Variants in TMEM132C observed in about 807,000 individuals in gnomAD.
TMEM132C encodes transmembrane protein 132C.
Under a neutral mutation model 61.4 loss-of-function variants are expected in TMEM132C, and 29 were observed. That is an observed-to-expected ratio of 0.47 (90% CI 0.35 to 0.64). The LOEUF is 0.64. Ranked by LOEUF, TMEM132C falls within the 30% of genes least tolerant of loss-of-function variation. TMEM132C has a pLI of 0.00. For synonymous variants in TMEM132C, 656 were observed against 633.1 expected, an observed-to-expected ratio of 1.04 and a Z score of -0.54; for missense variants, 1,408 against 1,476.9, an observed-to-expected ratio of 0.95 and a Z score of 0.76.
At chr12:128,434,018 G>A (rs1035758693) in intron 2 of TMEM132C, among the ~76,000 whole-genome samples, 1 of 152,240 alleles carries the variant, frequency 6.6e-6, no homozygotes, top group Non-Finnish European at 1.5e-5. Context: ...TTCCTGGATA[G>A]CAACACGGGC....
chr12:128,426,526 CCA>C (rs1232095079), intron 2 of TMEM132C, among the ~76,000 whole-genome samples: 3 of 152,176 alleles, frequency 2.0e-5, no homozygotes, highest in Non-Finnish European at 4.4e-5. Flanking sequence ...ACTCATTTTC[CCA>C]CAGTCTGTCT....
intron 1 of TMEM132C, among the ~76,000 whole-genome samples, chr12:128,315,114 G>A (rs1315867945): frequency 6.6e-6 from 1 of 152,152 alleles, no homozygotes; most frequent in Admixed American, 6.5e-5. Context: ...CAATGAGGAG[G>A]CATCTGATCA....
intron 5 of TMEM132C, among the ~76,000 whole-genome samples, chr12:128,685,662 A>G (rs1954667533): frequency 1.3e-5 from 2 of 152,232 alleles, no homozygotes; most frequent in Admixed American, 6.5e-5. Flanking sequence ...GGGGAGAGGA[A>G]GTAGACCCTG....
chr12:128,528,160 A>T (rs1171462656), intron 2 of TMEM132C, among the ~76,000 whole-genome samples: 1 of 152,176 alleles, frequency 6.6e-6, no homozygotes, highest in East Asian at 1.9e-4. Flanking sequence ...AGAACCTGGT[A>T]AGTTAGGGCA....
At chr12:128,589,432 G>A (rs902143537) in intron 3 of TMEM132C, among the ~76,000 whole-genome samples, 4 of 151,432 alleles carry the variant, frequency 2.6e-5, no homozygotes, top group African/African-American at 9.7e-5. Context: ...CACACTGCCC[G>A]TCCGCCCACT....
At position 128,560,760 on chromosome 12, in the gene TMEM132C, A is replaced by G. The variant is rs181630367; in HGVS notation, c.1121+16657A>G. On this transcript the variant is annotated intron_variant, in intron 3 of 8. Coordinates refer to ENST00000435159, the MANE Select transcript of TMEM132C (RefSeq NM_001136103.3). ...AGGGATGGAAATATTTGCTGCATGA[A>G]TACATGTATTGCTGAGTGAAAGATC... Among the ~76,000 whole-genome samples the G allele has an allele frequency of 1.5e-3, 222 of 152,348 alleles. 2 individuals carry two copies. The highest frequency in any genetic ancestry group is 6.8e-3 in the Middle Eastern group (2 of 294).
intron 1 of TMEM132C, among the ~76,000 whole-genome samples, chr12:128,386,938 G>A (rs900641763): frequency 4.6e-5 from 7 of 151,948 alleles, no homozygotes; most frequent in South Asian, 4.2e-4. Context: ...AGACCAACCC[G>A]GGCAACGTAG....
intron 3 of TMEM132C, among the ~76,000 whole-genome samples, chr12:128,572,052 GC>G (rs1874904843): frequency 6.6e-6 from 1 of 151,984 alleles, no homozygotes; most frequent in East Asian, 1.9e-4. Context: ...TCCTACTGTG[GC>G]CTCTGCTAGT....
intron 1 of TMEM132C, among the ~76,000 whole-genome samples, chr12:128,286,866 G>A (rs533099183): frequency 6.6e-6 from 1 of 152,300 alleles, no homozygotes; most frequent in East Asian, 1.9e-4. Context: ...TGAGATTATT[G>A]TCCATTGAAC....
intron 3 of TMEM132C, among the ~76,000 whole-genome samples, chr12:128,589,209 G>A (rs972463313): frequency 6.6e-6 from 1 of 152,156 alleles, no homozygotes; most frequent in Non-Finnish European, 1.5e-5. Context: ...ACGAAGGCAA[G>A]GCGCACAAGG....
At chr12:128,395,924 C>A (rs573401604) in intron 1 of TMEM132C, among the ~76,000 whole-genome samples, 1 of 152,302 alleles carries the variant, frequency 6.6e-6, no homozygotes, top group Admixed American at 6.5e-5. Context: ...AGTAAACAGA[C>A]TTACCTAATA....
intron 3 of TMEM132C, among the ~76,000 whole-genome samples, chr12:128,608,002 A>T (rs1238697757): frequency 6.6e-6 from 1 of 152,158 alleles, no homozygotes; most frequent in Non-Finnish European, 1.5e-5. Flanking sequence ...GAAGGAAGGG[A>T]TGCAAATGTC....
intron 5 of TMEM132C, among the ~76,000 whole-genome samples, chr12:128,684,312 G>A (rs575480473): frequency 1.6e-3 from 219 of 139,518 alleles, no homozygotes; most frequent in Admixed American, 2.3e-3. Context: ...TCATAGATGA[G>A]GAAAATGAAT....
rs1024435374 is a variant in TMEM132C, at chr12:128,280,314, C to T, written c.85+12827C>T. Among the ~76,000 whole-genome samples, 7 of 152,112 alleles carry T rather than the reference C, an allele frequency of 4.6e-5. No individual in the cohort carries two copies. In the East Asian group the frequency reaches 5.8e-4, roughly 13 times the overall value. On this transcript the variant is annotated intron_variant, in intron 1 of 8. Coordinates refer to ENST00000435159, the MANE Select transcript of TMEM132C (RefSeq NM_001136103.3). ...CTGGCCAGGGGCAACATTTTCAAGT[C>T]GCCGACTTTATTTCTGAGTTGTCCT...
chr12:128,678,398 G>T (rs78687087), intron 5 of TMEM132C, among the ~76,000 whole-genome samples: 2 of 152,094 alleles, frequency 1.3e-5, no homozygotes, highest in African/African-American at 4.8e-5. Flanking sequence ...TCTAGTGCCC[G>T]CATTCCATCT....
intron 4 of TMEM132C, among the ~76,000 whole-genome samples, chr12:128,665,515 A>G (rs1026448388): frequency 6.6e-6 from 1 of 151,352 alleles, no homozygotes; most frequent in Non-Finnish European, 1.5e-5. Context: ...ATATGCACAC[A>G]GGCACTCACA....
intron 2 of TMEM132C, among the ~76,000 whole-genome samples, chr12:128,541,979 C>A (rs1434023008): frequency 2.6e-5 from 4 of 152,218 alleles, no homozygotes; most frequent in Non-Finnish European, 5.9e-5. Flanking sequence ...CGCCCTGATA[C>A]CCATACCCAA....
chr12:128,443,092 A>G (rs1593055000), intron 2 of TMEM132C, among the ~76,000 whole-genome samples: 1 of 152,226 alleles, frequency 6.6e-6, no homozygotes, highest in African/African-American at 2.4e-5. Flanking sequence ...CTCATTAAAA[A>G]AATGGATATA....
rs151209408 is a variant in TMEM132C, at chr12:128,352,657, C to T, written c.86-62075C>T. Among the ~76,000 whole-genome samples the T allele has an allele frequency of 3.1e-3, 470 of 152,284 alleles. 3 individuals carry two copies. The highest frequency in any genetic ancestry group is 0.011 in the African/African-American group (456 of 41,560). ...AGGAGGAAGGGAGGGAGATGATGGA[C>T]GCAATCACCTTTCAAATGCTTTTGA... On this transcript the variant is annotated intron_variant, in intron 1 of 8. Coordinates refer to ENST00000435159, the MANE Select transcript of TMEM132C (RefSeq NM_001136103.3).
Sources: allele counts gnomAD v4.1 joint callset (sites outside exome capture counted in the v4.1 genomes callset), GRCh38; gene constraint gnomAD v4.1.1; transcripts MANE v1.5; gene names NCBI Gene and HGNC (gene_info 2026-07-23, HGNC 2026-07-21).